The following SGSM3 variants were observed in gnomAD, a reference collection of about 807,000 sequenced individuals.
SGSM3 encodes the protein small G protein signaling modulator 3, also known as RUN and SH3 containing 3.
In SGSM3, 96 loss-of-function variants were observed where a neutral mutation model predicts 100.5. That is an observed-to-expected ratio of 0.96 (90% CI 0.81 to 1.13). The LOEUF (loss-of-function observed/expected upper bound fraction) is 1.13. SGSM3 is among the 50% of genes most tolerant of loss of function. SGSM3 has a pLI of 0.00. For synonymous variants in SGSM3, 483 were observed against 422.8 expected (o/e 1.14, Z -1.75); for missense variants, 1,001 against 1,015.8 (o/e 0.99, Z 0.20).
At chr22:40,397,123 G>A (rs1433515815) in intron 1 of SGSM3, among the ~76,000 whole-genome samples, 2 of 152,156 alleles carry the variant, frequency 1.3e-5, no homozygotes, top group Non-Finnish European at 2.9e-5. Context: ...GCGACCAGAG[G>A]CAGGAAAAAC....
chr22:40,380,760 A>G (rs898112907), intron 1 of SGSM3, among the ~76,000 whole-genome samples: 2 of 151,980 alleles, frequency 1.3e-5, no homozygotes, highest in African/African-American at 4.8e-5. Context: ...ACATAGTAAG[A>G]CCCTCTCTAC....
rs756988233 is a variant in SGSM3 at position 40,407,374 on chromosome 22, C to A, written c.1369-39C>A. ...GCTGCTACCAAACACGGCCCTAACT[C>A]CTCCAACCCCCTTGGTGGGCCTGTG... On this transcript the variant is annotated intron_variant, in intron 12 of 21. Coordinates refer to ENST00000248929, the MANE Select transcript of SGSM3 (RefSeq NM_015705.6). This position sits in a 1 kb window ranked among gnomAD's most constrained non-coding sequence, Gnocchi z 4.7. 6.2e-7 allele frequency: 1 copy of A among 1,612,068 alleles called. No individual in the cohort carries two copies. Among genetic ancestry groups the A allele is most frequent in the African/African-American group, 1.3e-5 (1 of 74,932 alleles).
At chr22:40,371,069 G>T (rs2045351558) in intron 1 of SGSM3, among the ~76,000 whole-genome samples, 1 of 152,214 alleles carries the variant, frequency 6.6e-6, no homozygotes, top group Non-Finnish European at 1.5e-5. Flanking sequence ...TCTGGCACCG[G>T]GACAGCTGCA....
chr22:40,401,250 C>CTA (rs1555935070), intron 2 of SGSM3, among the ~76,000 whole-genome samples: 2 of 151,744 alleles, frequency 1.3e-5, no homozygotes, highest in African/African-American at 4.8e-5. Flanking sequence ...TCTGCATTTT[C>CTA]TATTTTTTTT....
intron 1 of SGSM3, among the ~76,000 whole-genome samples, chr22:40,378,010 A>C (rs1236391639): frequency 1.3e-5 from 2 of 152,234 alleles, no homozygotes; most frequent in African/African-American, 2.4e-5. Flanking sequence ...ATTTCTGCCC[A>C]CGTTAAAGCC....
chr22:40,388,752 G>A (rs187024541), intron 1 of SGSM3, among the ~76,000 whole-genome samples: 17 of 152,274 alleles, frequency 1.1e-4, no homozygotes, highest in Middle Eastern at 3.4e-3. Context: ...GGTTGTAAGA[G>A]AAAGGGGAGG....
chr22:40,408,843 G>C lies in SGSM3; in HGVS notation c.1902+1G>C, dbSNP rs954025774. 6.2e-7 allele frequency: 1 copy of C among 1,613,900 alleles called. No homozygotes were observed. Among genetic ancestry groups the C allele is most frequent in the Non-Finnish European group, 8.5e-7 (1 of 1,180,032 alleles). Reference sequence around the variant, plus strand: ...GACCCCGGAGGAGCTGCTCTACCGGGTAAGGGGGCCTCCTCTGCCAGACCC... The same window carrying C: ...GACCCCGGAGGAGCTGCTCTACCGGCTAAGGGGGCCTCCTCTGCCAGACCC... On this transcript the variant is annotated splice_donor_variant, in intron 18 of 21. Transcript: ENST00000248929. LOFTEE classifies it high-confidence loss of function.
chr22:40,407,460 G>T lies in SGSM3; in HGVS notation c.1416G>T (p.Glu472Asp), dbSNP rs1396681161. The T allele has an allele frequency of 6.2e-7, 1 of 1,612,438 alleles. No individual in the cohort carries two copies. Among genetic ancestry groups the T allele is most frequent in the Non-Finnish European group, 8.5e-7 (1 of 1,179,916 alleles). Residue 472 changes from glutamate to aspartate, a missense_variant, in exon 13 of 22, where the codon GAG becomes GAT. Physicochemically the swap from Glu to Asp is conservative, Grantham distance 45. Coordinates refer to ENST00000248929, the MANE Select transcript of SGSM3 (RefSeq NM_015705.6). This position sits in a 1 kb window ranked among gnomAD's most constrained non-coding sequence, Gnocchi z 4.7. ...TGGAGAGCCACCAGCGGGACCACGAGAACTACGTGGCGTGCTCACGCAGCC... is the reference window on the plus strand; with the variant it reads ...TGGAGAGCCACCAGCGGGACCACGATAACTACGTGGCGTGCTCACGCAGCC... ...YSMESHQRDH[E>D]NYVACSRSHR...
At chr22:40,373,280 A>C (rs938909582) in intron 1 of SGSM3, 2 of 152,238 alleles carry the variant, frequency 1.3e-5, no homozygotes, top group African/African-American at 4.8e-5. Flanking sequence ...TTAAAAATAT[A>C]TGAAACTTTC....
At chr22:40,398,656 T>C (rs1351044448) in intron 1 of SGSM3, among the ~76,000 whole-genome samples, 2 of 141,476 alleles carry the variant, frequency 1.4e-5, no homozygotes, top group African/African-American at 5.2e-5. Flanking sequence ...AATGGATGAA[T>C]ATCGGCAATT....
intron 1 of SGSM3, among the ~76,000 whole-genome samples, chr22:40,377,995 A>G (rs1278125353): frequency 6.6e-6 from 1 of 152,236 alleles, no homozygotes; most frequent in Non-Finnish European, 1.5e-5. Flanking sequence ...ATTACTAGCA[A>G]ACAGATTTCT....
At chr22:40,397,315 A>G (rs1199258272) in intron 1 of SGSM3, among the ~76,000 whole-genome samples, 1 of 152,004 alleles carries the variant, frequency 6.6e-6, no homozygotes, top group Non-Finnish European at 1.5e-5. Context: ...ACCTGTAATC[A>G]CAGCACTTTG....
At chr22:40,387,960 C>T (rs1444123444) in intron 1 of SGSM3, among the ~76,000 whole-genome samples, 1 of 152,168 alleles carries the variant, frequency 6.6e-6, no homozygotes, top group Non-Finnish European at 1.5e-5. Flanking sequence ...GGGTGAGGTT[C>T]CTGTTTCCCT....
rs1602118192 is a variant in SGSM3, at chr22:40,407,727, G to T, written c.1525-62G>T. On this transcript the variant is annotated intron_variant, in intron 13 of 21. Coordinates refer to ENST00000248929, the MANE Select transcript of SGSM3 (RefSeq NM_015705.6). The surrounding 1 kb of genome is among the most constrained non-coding windows in gnomAD (Gnocchi z 4.7). ...TAGTTGCTGAGGAGTCATATCGGGG[G>T]TGCAGGAGGCGCTGGCCCAGGGCAC... The T allele has an allele frequency of 6.3e-6, 10 of 1,594,292 alleles. No individual in the cohort carries two copies. The highest frequency in any genetic ancestry group is 8.6e-6 in the Non-Finnish European group (10 of 1,162,136).
Position 40,408,922 on chromosome 22 carries a change from G to A in SGSM3, c.1903-11G>A. 1 of 1,613,396 alleles carries A rather than the reference G, an allele frequency of 6.2e-7. No individual in the cohort carries two copies. The highest frequency in any genetic ancestry group is 8.5e-7 in the Non-Finnish European group (1 of 1,179,740). ...GGGAGCCTGAGTGACAGCTGACGGT[G>A]CCGTTCCCAGGCTGTGCAGTCTGTG... On this transcript the variant is annotated splice_polypyrimidine_tract_variant and intron_variant, in intron 18 of 21. Transcript: ENST00000248929.
At chr22:40,389,867 G>A (rs2146881074) in intron 1 of SGSM3, among the ~76,000 whole-genome samples, 1 of 145,386 alleles carries the variant, frequency 6.9e-6, no homozygotes, top group South Asian at 2.2e-4. Context: ...TCGCGCCATT[G>A]CACTCCAGCC....
In SGSM3 at chr22:40,406,654, C is replaced by T. The variant is rs2051571298; in HGVS notation, c.1177C>T (p.Leu393Phe). 1 of 1,606,742 alleles carries T rather than the reference C, an allele frequency of 6.2e-7. No individual in the cohort carries two copies. The highest frequency in any genetic ancestry group is 2.2e-5 in the East Asian group (1 of 44,688). ...QLLGAGTLTN[L>F]SQVVRRRTQR... ...CCTGGGGGCCGGCACCCTCACCAAC[C>T]TCTCTCAGGTGGCCCAGGATGGGGG... Residue 393 changes from leucine to phenylalanine, a missense_variant, in exon 10 of 22, where the codon CTC (leucine) becomes TTC (phenylalanine). By Grantham distance (22) the Leu-to-Phe change is conservative (BLOSUM62 0). Coordinates refer to ENST00000248929, the MANE Select transcript of SGSM3 (RefSeq NM_015705.6).
At chr22:40,405,963 G>A (rs1402670148) in intron 8 of SGSM3, 115 bp from the exon 9 acceptor site, 6 of 1,491,076 alleles carry the variant, frequency 4.0e-6, no homozygotes, top group Middle Eastern at 2.0e-4. Context: ...TTGTTCTCTG[G>A]TGTTCCCTGC....
chr22:40,402,355 C>T, intron 4 of SGSM3, 150 bp downstream of exon 4: 1 of 656,900 alleles, frequency 1.5e-6, no homozygotes, highest in South Asian at 1.9e-5. Context: ...GGGTGATACT[C>T]TCATAAGTAT....
Sources: gnomAD v4.1 joint callset for allele counts (sites outside exome capture counted in the v4.1 genomes callset) on GRCh38, gnomAD v4.1.1 for gene constraint, Gnocchi (gnomAD v3.1) non-coding constraint, MANE v1.5 for transcripts, NCBI Gene and HGNC (gene_info 2026-07-23, HGNC 2026-07-21) for gene names.